MYO1B: variants seen among roughly 807,000 people sequenced by gnomAD.
MYO1B encodes the protein unconventional myosin-Ib.
Under a neutral mutation model 159.7 loss-of-function variants are expected in MYO1B, and 72 were observed. The ratio of observed to expected loss-of-function variants is 0.45; its 90% CI spans 0.37 to 0.55. The LOEUF is 0.55. MYO1B is among the 20% of genes least tolerant of loss of function. MYO1B has a pLI of 0.00. For missense variants in MYO1B, 1,062 were observed against 1,364.8 expected, an observed-to-expected ratio of 0.78 and a Z score of 3.50; for synonymous variants, 468 against 473.8, an observed-to-expected ratio of 0.99 and a Z score of 0.16.
intron 13 of MYO1B, among the ~76,000 whole-genome samples, chr2:191,373,557 C>T (rs1694510526): frequency 1.3e-5 from 2 of 152,188 alleles, no homozygotes; most frequent in Admixed American, 1.3e-4. Context: ...GCGTGGATCA[C>T]GAGGTCAGGA....
At chr2:191,413,121 T>C (rs578250883) in intron 27 of MYO1B, among the ~76,000 whole-genome samples, 54 of 152,344 alleles carry the variant, frequency 3.5e-4, no homozygotes, top group African/African-American at 1.1e-3. Flanking sequence ...TTCCAACTTA[T>C]ATTTAGGACA....
intron 7 of MYO1B, among the ~76,000 whole-genome samples, chr2:191,360,063 G>A (rs1693565856): frequency 6.6e-6 from 1 of 152,158 alleles, no homozygotes; most frequent in Non-Finnish European, 1.5e-5. Context: ...CCCAGGTAGT[G>A]GGGCATGTGG....
intron 3 of MYO1B, among the ~76,000 whole-genome samples, chr2:191,299,424 C>T (rs1284882727): frequency 6.6e-6 from 1 of 152,184 alleles, no homozygotes; most frequent in Non-Finnish European, 1.5e-5. Flanking sequence ...CCTCACCCCA[C>T]CCTCACCACA....
At chr2:191,303,341 G>A (rs1263022327) in intron 3 of MYO1B, among the ~76,000 whole-genome samples, 1 of 152,180 alleles carries the variant, frequency 6.6e-6, no homozygotes, top group Non-Finnish European at 1.5e-5. Context: ...GTGTGTTGAT[G>A]TGATGTTGCT....
At chr2:191,312,165 G>T (rs1203868204) in intron 3 of MYO1B, among the ~76,000 whole-genome samples, 1 of 152,120 alleles carries the variant, frequency 6.6e-6, no homozygotes, top group East Asian at 1.9e-4. Flanking sequence ...TAAAGCCAGC[G>T]CTAATTAAAA....
intron 26 of MYO1B, among the ~76,000 whole-genome samples, chr2:191,410,259 G>A (rs577333523): frequency 2.0e-3 from 310 of 152,250 alleles, no homozygotes; most frequent in African/African-American, 7.2e-3. Flanking sequence ...ATTGGAGGTG[G>A]GAGATGAGGG....
chr2:191,397,285 G>A (rs1344421431), intron 21 of MYO1B, among the ~76,000 whole-genome samples: 2 of 148,576 alleles, frequency 1.3e-5, no homozygotes, highest in Non-Finnish European at 3.0e-5. Flanking sequence ...GGGAAGGTCA[G>A]CAGATAAACA....
intron 7 of MYO1B, among the ~76,000 whole-genome samples, chr2:191,351,263 C>T (rs1444212791): frequency 6.6e-6 from 1 of 151,118 alleles, no homozygotes; most frequent in South Asian, 2.1e-4. Context: ...AGTGGCATTT[C>T]GTCTTCAAAG....
intron 1 of MYO1B, among the ~76,000 whole-genome samples, chr2:191,255,293 A>G (rs1334390453): frequency 6.6e-6 from 1 of 152,206 alleles, no homozygotes; most frequent in Non-Finnish European, 1.5e-5. Context: ...GTGAAGGGGA[A>G]GAGACATTGT....
At chr2:191,292,303 A>G (rs984441137) in intron 2 of MYO1B, among the ~76,000 whole-genome samples, 1 of 152,194 alleles carries the variant, frequency 6.6e-6, no homozygotes, top group Non-Finnish European at 1.5e-5. Context: ...AATATGAGTG[A>G]GCATAGCCCA....
intron 2 of MYO1B, among the ~76,000 whole-genome samples, chr2:191,288,983 A>G (rs1471595359): frequency 6.6e-6 from 1 of 152,264 alleles, no homozygotes; most frequent in African/African-American, 2.4e-5. Flanking sequence ...ATTCGTATTA[A>G]GATATTTAAA....
intron 3 of MYO1B, among the ~76,000 whole-genome samples, chr2:191,299,489 C>T (rs976592912): frequency 2.0e-5 from 3 of 152,180 alleles, no homozygotes; most frequent in Admixed American, 6.5e-5. Flanking sequence ...GCCTGGAATG[C>T]TTTTCCCTCT....
intron 13 of MYO1B, among the ~76,000 whole-genome samples, chr2:191,371,748 C>T (rs969447894): frequency 6.6e-6 from 1 of 152,192 alleles, no homozygotes; most frequent in Non-Finnish European, 1.5e-5. Flanking sequence ...GTCTCTGACT[C>T]CCCTGTTTCT....
chr2:191,338,654 C>G (rs1299776701), intron 4 of MYO1B, among the ~76,000 whole-genome samples: 1 of 152,162 alleles, frequency 6.6e-6, no homozygotes, highest in East Asian at 1.9e-4. Flanking sequence ...CCACCACCAC[C>G]CTGCTAAAGC....
chr2:191,397,594 A>T (rs1385831754), intron 21 of MYO1B, among the ~76,000 whole-genome samples: 1 of 150,268 alleles, frequency 6.7e-6, no homozygotes, highest in Non-Finnish European at 1.5e-5. Context: ...GTCTACTTCT[A>T]TCCACACAGA....
intron 6 of MYO1B, among the ~76,000 whole-genome samples, chr2:191,346,596 G>C (rs1434668185): frequency 6.6e-6 from 1 of 152,176 alleles, no homozygotes; most frequent in Non-Finnish European, 1.5e-5. Context: ...TCAAGAATCA[G>C]AAATTAAGAG....
intron 3 of MYO1B, among the ~76,000 whole-genome samples, chr2:191,318,920 G>A (rs1690526742): frequency 6.6e-6 from 1 of 152,146 alleles, no homozygotes; most frequent in Non-Finnish European, 1.5e-5. Flanking sequence ...CTTAAAGCAT[G>A]GCTGTTTAGT....
chr2:191,326,575 T>A (rs955238591), intron 3 of MYO1B, among the ~76,000 whole-genome samples: 5 of 152,296 alleles, frequency 3.3e-5, no homozygotes, highest in African/African-American at 1.2e-4. Context: ...AAAGAATAAA[T>A]CCCTTTTAGC....
intron 5 of MYO1B, among the ~76,000 whole-genome samples, chr2:191,344,519 G>A (rs933060731): frequency 6.6e-6 from 1 of 152,098 alleles, no homozygotes; most frequent in African/African-American, 2.4e-5. Context: ...ACCAAGCTTG[G>A]GCAACTATCT....
Sources: allele counts gnomAD v4.1 joint callset (sites outside exome capture counted in the v4.1 genomes callset), GRCh38; gene constraint gnomAD v4.1.1; transcripts MANE v1.5; gene names NCBI Gene and HGNC (gene_info 2026-07-23, HGNC 2026-07-21).